The following CCNY variants were observed in gnomAD, a reference collection of about 807,000 sequenced individuals.
The protein encoded by CCNY is cyclin-Y.
Under a neutral mutation model 42.8 loss-of-function variants are expected in CCNY, and 19 were observed. The observed-to-expected ratio is 0.44, with a 90% confidence interval of 0.31 to 0.65. CCNY has a LOEUF of 0.65. Ranked by LOEUF, CCNY falls within the 30% of genes least tolerant of loss-of-function variation. CCNY has a pLI of 0.07. For synonymous variants in CCNY, 165 were observed against 162.7 expected (o/e 1.01, Z -0.11); for missense variants, 370 against 437.3 (o/e 0.85, Z 1.37).
At chr10:35,553,707 C>G (rs1841306893) in intron 8 of CCNY, among the ~76,000 whole-genome samples, 1 of 152,208 alleles carries the variant, frequency 6.6e-6, no homozygotes, top group Non-Finnish European at 1.5e-5. Flanking sequence ...CCCTGGGGCT[C>G]CCACTTGCAG....
At chr10:35,301,950 T>TTTTATTTA (rs151028182) in intron 3 of CCNY, among the ~76,000 whole-genome samples, 6 of 81,518 alleles carry the variant, frequency 7.4e-5, no homozygotes, top group African/African-American at 2.1e-4. Context: ...TTATTTTTTA[T>TTTTATTTA]TTTATTTATT....
chr10:35,416,857 C>T (rs1425963014), intron 1 of CCNY, among the ~76,000 whole-genome samples: 2 of 152,032 alleles, frequency 1.3e-5, no homozygotes, highest in Non-Finnish European at 1.5e-5. Flanking sequence ...CAGGTGGCAG[C>T]GGGACTACAC....
At chr10:35,417,622 G>A (rs541182167) in intron 1 of CCNY, among the ~76,000 whole-genome samples, 42 of 152,310 alleles carry the variant, frequency 2.8e-4, no homozygotes, top group African/African-American at 8.9e-4. Flanking sequence ...GCTTTTGGTC[G>A]TGTAGTTTTA....
chr10:35,313,837 G>T (rs967965697), intron 3 of CCNY, among the ~76,000 whole-genome samples: 1 of 151,898 alleles, frequency 6.6e-6, no homozygotes, highest in Non-Finnish European at 1.5e-5. Context: ...CTAGCCTGGC[G>T]TGGTGGTGCA....
intron 3 of CCNY, among the ~76,000 whole-genome samples, chr10:35,252,995 C>G (rs891443321): frequency 6.6e-6 from 1 of 152,096 alleles, no homozygotes; most frequent in South Asian, 2.1e-4. Flanking sequence ...ACAAAACCAT[C>G]GAACTGCTGT....
chr10:35,386,958 C>A (rs1420226175), intron 1 of CCNY, among the ~76,000 whole-genome samples: 2 of 152,146 alleles, frequency 1.3e-5, no homozygotes, highest in Non-Finnish European at 2.9e-5. Context: ...TGCACGTTCA[C>A]ATTCTTCAGT....
chr10:35,344,447 T>A (rs1836254208), intron 1 of CCNY, among the ~76,000 whole-genome samples: 1 of 152,182 alleles, frequency 6.6e-6, no homozygotes, highest in African/African-American at 2.4e-5. Flanking sequence ...ATCCCAGCAC[T>A]TTGGGAGGCT....
At chr10:35,470,747 G>A (rs1839376510) in intron 1 of CCNY, among the ~76,000 whole-genome samples, 1 of 152,192 alleles carries the variant, frequency 6.6e-6, no homozygotes, top group Non-Finnish European at 1.5e-5. Flanking sequence ...GGCTTCCCTG[G>A]TGACAGCCTC....
At chr10:35,489,219 CT>C (rs1839848266) in intron 2 of CCNY, among the ~76,000 whole-genome samples, 1 of 152,202 alleles carries the variant, frequency 6.6e-6, no homozygotes, top group South Asian at 2.1e-4. Flanking sequence ...AAAAACATTT[CT>C]TGGTGAGATG....
chr10:35,287,855 C>T (rs530890399), intron 3 of CCNY, among the ~76,000 whole-genome samples: 3 of 152,182 alleles, frequency 2.0e-5, no homozygotes, highest in Non-Finnish European at 2.9e-5. Flanking sequence ...GGGGTTTCAG[C>T]ATGTTGGCCA....
chr10:35,375,234 CTG>C (rs1421091439), intron 1 of CCNY, among the ~76,000 whole-genome samples: 4 of 152,186 alleles, frequency 2.6e-5, no homozygotes, highest in Admixed American at 6.5e-5. Flanking sequence ...TTTCAGTAGG[CTG>C]TGTTTCCTGT....
intron 3 of CCNY, among the ~76,000 whole-genome samples, chr10:35,503,897 C>CT (rs974426909): frequency 6.6e-6 from 1 of 152,160 alleles, no homozygotes; most frequent in Non-Finnish European, 1.5e-5. Flanking sequence ...GTTTAGCTTG[C>CT]TTATCTGAAC....
chr10:35,485,974 C>T (rs1043835773), intron 2 of CCNY, among the ~76,000 whole-genome samples: 1 of 152,166 alleles, frequency 6.6e-6, no homozygotes, highest in Non-Finnish European at 1.5e-5. Flanking sequence ...TTCCTCATGG[C>T]ATTTATGTCA....
intron 7 of CCNY, among the ~76,000 whole-genome samples, chr10:35,531,977 C>G (rs567387665): frequency 2.0e-5 from 3 of 152,220 alleles, no homozygotes; most frequent in South Asian, 2.1e-4. Context: ...TGGCACTTTT[C>G]TTGTGAATAA....
intron 3 of CCNY, among the ~76,000 whole-genome samples, chr10:35,261,429 G>A (rs1467787387): frequency 6.6e-6 from 1 of 151,646 alleles, no homozygotes. Flanking sequence ...GTAGAGACAG[G>A]GTTTTGCCAT....
intron 3 of CCNY, among the ~76,000 whole-genome samples, chr10:35,319,005 T>G (rs764734578): frequency 6.6e-6 from 1 of 152,202 alleles, no homozygotes; most frequent in Non-Finnish European, 1.5e-5. Flanking sequence ...TAGTGTCACC[T>G]GGGCCGGAGT....
chr10:35,399,486 C>A (rs748725819), intron 1 of CCNY, among the ~76,000 whole-genome samples: 5 of 152,180 alleles, frequency 3.3e-5, no homozygotes, highest in Non-Finnish European at 5.9e-5. Flanking sequence ...GTGGCCGACA[C>A]AGGACACAAC....
intron 3 of CCNY, among the ~76,000 whole-genome samples, chr10:35,280,059 G>A (rs964150657): frequency 9.2e-5 from 14 of 152,052 alleles, no homozygotes; most frequent in Admixed American, 5.2e-4. Context: ...AGATCTCCAC[G>A]TTTCATCTTT....
At chr10:35,345,276 G>A (rs1836276633) in intron 1 of CCNY, among the ~76,000 whole-genome samples, 1 of 152,148 alleles carries the variant, frequency 6.6e-6, no homozygotes. Flanking sequence ...TCTAACTGGT[G>A]TGAGATGGTA....
Sources: gnomAD v4.1 joint callset for allele counts (sites outside exome capture counted in the v4.1 genomes callset) on GRCh38, gnomAD v4.1.1 for gene constraint, MANE v1.5 for transcripts, NCBI Gene and HGNC (gene_info 2026-07-23, HGNC 2026-07-21) for gene names.